The following PLEKHM3 variants were observed in gnomAD, a reference collection of about 807,000 sequenced individuals.
The protein encoded by PLEKHM3 is pleckstrin homology domain-containing family M member 3.
In PLEKHM3, 45 loss-of-function variants were observed where a neutral mutation model predicts 81.8. That is an observed-to-expected ratio of 0.55 (90% CI 0.43 to 0.71). The LOEUF (loss-of-function observed/expected upper bound fraction) is 0.71, where lower values mean the gene tolerates loss of function less well. Ranked by LOEUF, PLEKHM3 falls within the 30% of genes least tolerant of loss-of-function variation. The probability of loss-of-function intolerance (pLI) is 0.00; values close to 1 mark genes in which losing one functional copy is unlikely to be tolerated. For synonymous variants in PLEKHM3, 352 were observed against 356.4 expected, an observed-to-expected ratio of 0.99 and a Z score of 0.14; for missense variants, 788 against 924.3, an observed-to-expected ratio of 0.85 and a Z score of 1.91.
chr2:207,971,852 T>C (rs1199834422), intron 3 of PLEKHM3, among the ~76,000 whole-genome samples: 1 of 152,212 alleles, frequency 6.6e-6, no homozygotes, highest in Non-Finnish European at 1.5e-5. Context: ...CATCATGTGC[T>C]TCTCTGCTCA....
intron 6 of PLEKHM3, among the ~76,000 whole-genome samples, chr2:207,870,655 G>A (rs1043254779): frequency 6.6e-6 from 1 of 152,238 alleles, no homozygotes; most frequent in Non-Finnish European, 1.5e-5. Flanking sequence ...TGGGTAGAGT[G>A]AAGTCTAGTG....
chr2:207,985,166 T>C (rs982278876), intron 2 of PLEKHM3, among the ~76,000 whole-genome samples: 29 of 152,054 alleles, frequency 1.9e-4, no homozygotes, highest in Non-Finnish European at 3.1e-4. Context: ...CAAATCACCA[T>C]GTCCATGGCT....
At chr2:207,946,597 A>G (rs909416196) in intron 3 of PLEKHM3, 85 bp from the exon 4 acceptor site, 17 of 1,495,748 alleles carry the variant, frequency 1.1e-5, no homozygotes, top group African/African-American at 4.2e-5. Context: ...AACATCACAG[A>G]ACAAGGTTAT....
intron 5 of PLEKHM3, 110 bp from the exon 6 acceptor site, chr2:207,908,687 T>A: frequency 1.1e-6 from 1 of 908,606 alleles, no homozygotes; most frequent in Non-Finnish European, 1.7e-6. Flanking sequence ...CTGTCCACTT[T>A]CCACCTATAC....
chr2:208,011,450 G>A (rs1222260214), intron 1 of PLEKHM3, among the ~76,000 whole-genome samples: 1 of 152,072 alleles, frequency 6.6e-6, no homozygotes, highest in Admixed American at 6.6e-5. Context: ...TCAATTAATG[G>A]CATTTACAGC....
chr2:207,981,292 G>T (rs1396751317), intron 2 of PLEKHM3, among the ~76,000 whole-genome samples: 3 of 151,940 alleles, frequency 2.0e-5, no homozygotes, highest in African/African-American at 7.3e-5. Context: ...TGATCATAAA[G>T]GGCTAGAGAA....
chr2:207,889,562 G>A (rs962931187), intron 6 of PLEKHM3, among the ~76,000 whole-genome samples: 2 of 151,674 alleles, frequency 1.3e-5, no homozygotes, highest in African/African-American at 4.8e-5. Context: ...ATGGAAAGAT[G>A]GGAAAGAGAA....
intron 7 of PLEKHM3, among the ~76,000 whole-genome samples, chr2:207,840,944 G>A (rs1027157007): frequency 1.3e-5 from 2 of 151,242 alleles, no homozygotes; most frequent in Admixed American, 6.6e-5. Context: ...GGGATTACAC[G>A]TGTGTGCCAC....
At chr2:207,857,573 T>G (rs1182004476) in intron 7 of PLEKHM3, among the ~76,000 whole-genome samples, 1 of 152,250 alleles carries the variant, frequency 6.6e-6, no homozygotes, top group African/African-American at 2.4e-5. Flanking sequence ...TTTCTACTTC[T>G]CGTTGAGTCA....
intron 3 of PLEKHM3, among the ~76,000 whole-genome samples, chr2:207,975,891 C>T (rs1691292460): frequency 7.2e-6 from 1 of 138,096 alleles, no homozygotes; most frequent in Non-Finnish European, 1.5e-5. Flanking sequence ...GCCACTGCAC[C>T]TGGCACAATT....
At position 207,977,252 on chromosome 2, in the gene PLEKHM3, C is replaced by T. The variant is rs773481114; in HGVS notation, c.945G>A (p.Met315Ile). 6.2e-7 allele frequency: 1 copy of T among 1,614,032 alleles called. No individual in the cohort carries two copies. Among genetic ancestry groups the T allele is most frequent in the African/African-American group, 1.3e-5 (1 of 74,914 alleles). ...EVVHAAVPGY[M>I]GRQNELTISP... is the part of the protein sequence containing the mutation. ...AGATTGTCAGCTCATTCTGCCGCCC[C>T]ATGTAACCGGGCACAGCAGCATGCA... The change falls in exon 3 of 8, where the codon ATG (methionine) becomes ATA (isoleucine). Residue 315 changes from methionine (M) to isoleucine (I), a missense_variant. Transcript: ENST00000427836.
At chr2:207,918,547 C>A (rs542256371) in intron 5 of PLEKHM3, among the ~76,000 whole-genome samples, 184 of 145,548 alleles carry the variant, frequency 1.3e-3, no homozygotes, top group African/African-American at 4.9e-3. Context: ...AAACAAAAAA[C>A]AAACAAACAA....
chr2:207,934,896 C>A (rs1229498681), intron 4 of PLEKHM3, among the ~76,000 whole-genome samples: 2 of 152,166 alleles, frequency 1.3e-5, no homozygotes, highest in African/African-American at 2.4e-5. Flanking sequence ...TTTGCGTAAT[C>A]CTGAGGGAGA....
chr2:207,919,843 G>C (rs578056842), intron 5 of PLEKHM3, among the ~76,000 whole-genome samples: 1 of 152,276 alleles, frequency 6.6e-6, no homozygotes, highest in African/African-American at 2.4e-5. Flanking sequence ...GAAGGAGGGG[G>C]AAGGCAGTCT....
chr2:207,880,782 A>AAAAAAAAAAAAAAAAAAAAAAAAAAC (rs2092586306), intron 6 of PLEKHM3, among the ~76,000 whole-genome samples: 1 of 139,106 alleles, frequency 7.2e-6, no homozygotes, highest in African/African-American at 2.6e-5. Context: ...AAAAAAAAAA[A>AAAAAAAAAAAAAAAAAAAAAAAAAAC]AAAAAACCAA....
At chr2:208,007,057 T>C (rs1184067740) in intron 1 of PLEKHM3, among the ~76,000 whole-genome samples, 4 of 152,224 alleles carry the variant, frequency 2.6e-5, no homozygotes, top group African/African-American at 9.6e-5. Flanking sequence ...CCTCCTGAGC[T>C]GGACGGTAAA....
At chr2:207,872,128 C>T (rs980158520) in intron 6 of PLEKHM3, among the ~76,000 whole-genome samples, 4 of 152,168 alleles carry the variant, frequency 2.6e-5, no homozygotes, top group Non-Finnish European at 5.9e-5. Flanking sequence ...TCTTAAGCAC[C>T]CCTTGCTACT....
At chr2:208,013,891 A>G (rs1692786135) in intron 1 of PLEKHM3, among the ~76,000 whole-genome samples, 1 of 152,262 alleles carries the variant, frequency 6.6e-6, no homozygotes, top group East Asian at 1.9e-4. Context: ...TTCTATGGGC[A>G]TTCAGAGTAA....
At chr2:207,900,184 C>T (rs983462205) in intron 6 of PLEKHM3, 20 of 152,186 alleles carry the variant, frequency 1.3e-4, no homozygotes, top group African/African-American at 4.3e-4. Context: ...GACTTGAAGG[C>T]TAGCAGCTGG....
Sources: allele counts gnomAD v4.1 joint callset (sites outside exome capture counted in the v4.1 genomes callset), GRCh38; gene constraint gnomAD v4.1.1; transcripts MANE v1.5; gene names NCBI Gene and HGNC (gene_info 2026-07-23, HGNC 2026-07-21).